Variants in MAPK10 observed in about 807,000 individuals in gnomAD.
MAPK10 encodes the protein mitogen-activated protein kinase 10.
Under a neutral mutation model 59.3 loss-of-function variants are expected in MAPK10, and 25 were observed. The observed-to-expected ratio is 0.42, with a 90% CI of 0.31 to 0.59. The LOEUF is 0.59. MAPK10 is among the 20% of genes least tolerant of loss of function. The probability of loss-of-function intolerance (pLI) is 0.15; values close to 1 mark genes in which losing one functional copy is unlikely to be tolerated. For missense variants in MAPK10, 351 were observed against 568.9 expected, an observed-to-expected ratio of 0.62 and a Z score of 3.90; for synonymous variants, 190 against 200.5, an observed-to-expected ratio of 0.95 and a Z score of 0.44.
chr4:86,107,422 A>G lies in MAPK10; in HGVS notation c.237-70T>C, dbSNP rs975197770. On this transcript the variant is annotated intron_variant, in intron 4 of 13. Transcript: ENST00000641462. ...CTTAGAACTCTTGCCTACTTGATTA[A>G]GGATACTGGTAAAGAAAATGCTATT... is the stretch of plus-strand genomic sequence containing the variant. 3.9e-6 allele frequency: 6 copies of G among 1,551,306 alleles called. No individual in the cohort carries two copies. In the African/African-American group the frequency reaches 8.3e-5, roughly 22 times the overall value.
chr4:86,302,751 T>G (rs1178959336), intron 2 of MAPK10, among the ~76,000 whole-genome samples: 1 of 152,110 alleles, frequency 6.6e-6, no homozygotes, highest in Non-Finnish European at 1.5e-5. Context: ...CAAAAGCCAG[T>G]CTATCTATTC....
chr4:86,578,973 G>A (rs1486019144), intron 1 of MAPK10, among the ~76,000 whole-genome samples: 1 of 152,098 alleles, frequency 6.6e-6, no homozygotes, highest in Non-Finnish European at 1.5e-5. Flanking sequence ...GGAAGTGAGT[G>A]AAATAAGGAT....
chr4:86,210,851 AT>A, intron 2 of MAPK10, among the ~76,000 whole-genome samples: 1 of 151,896 alleles, frequency 6.6e-6, no homozygotes, highest in South Asian at 2.1e-4. Context: ...AGTCAAGAAA[AT>A]AACATATTAA....
At chr4:86,083,398 T>C (rs1338688848) in intron 9 of MAPK10, among the ~76,000 whole-genome samples, 4 of 152,036 alleles carry the variant, frequency 2.6e-5, no homozygotes, top group East Asian at 1.9e-4. Context: ...AGCATAGCAT[T>C]TGTGAGGAAA....
At chr4:86,025,316 G>C (rs945817727) in intron 13 of MAPK10, 2 of 389,952 alleles carry the variant, frequency 5.1e-6, no homozygotes, top group African/African-American at 4.1e-5. Flanking sequence ...TCCCTCTATT[G>C]CGCTATAATA....
At chr4:86,110,448 GGTCA>G (rs971859872) in intron 4 of MAPK10, among the ~76,000 whole-genome samples, 9 of 151,984 alleles carry the variant, frequency 5.9e-5, no homozygotes, top group African/African-American at 2.2e-4. Flanking sequence ...GCATATGGCT[GGTCA>G]GTTTTCCCAG....
intron 1 of MAPK10, among the ~76,000 whole-genome samples, chr4:86,368,178 T>C (rs1055112922): frequency 2.6e-5 from 4 of 152,152 alleles, no homozygotes; most frequent in African/African-American, 9.7e-5. Context: ...GGGTCTACCT[T>C]CCACTTACTT....
intron 2 of MAPK10, among the ~76,000 whole-genome samples, chr4:86,270,502 C>T (rs1032227232): frequency 6.6e-6 from 1 of 151,864 alleles, no homozygotes; most frequent in South Asian, 2.1e-4. Flanking sequence ...AGGCAAAGCG[C>T]TATCATAGTC....
intron 12 of MAPK10, among the ~76,000 whole-genome samples, chr4:86,029,815 T>C (rs1285033468): frequency 2.1e-5 from 3 of 139,834 alleles, no homozygotes; most frequent in African/African-American, 9.2e-5. Context: ...TACTGCATCT[T>C]TTTTTTTTTC....
chr4:86,233,221 C>G (rs555135914), intron 2 of MAPK10, among the ~76,000 whole-genome samples: 1 of 152,096 alleles, frequency 6.6e-6, no homozygotes, highest in East Asian at 1.9e-4. Context: ...GACAAAGAAC[C>G]AAAAATACAG....
At chr4:86,137,501 A>C (rs1347216919) in intron 4 of MAPK10, among the ~76,000 whole-genome samples, 1 of 136,304 alleles carries the variant, frequency 7.3e-6, no homozygotes, top group Non-Finnish European at 1.5e-5. Context: ...ACAAAGACAC[A>C]ACATACCAGA....
chr4:86,353,361 G>A (rs571554333), intron 2 of MAPK10, among the ~76,000 whole-genome samples: 2 of 152,260 alleles, frequency 1.3e-5, no homozygotes, highest in South Asian at 4.1e-4. Context: ...CTCAATAAGA[G>A]TTTGATTAAT....
chr4:86,061,757 C>T (rs1302294954), intron 11 of MAPK10, among the ~76,000 whole-genome samples: 1 of 152,146 alleles, frequency 6.6e-6, no homozygotes, highest in East Asian at 1.9e-4. Context: ...TCTTCTCTCT[C>T]ATCTTTGAAT....
intron 1 of MAPK10, among the ~76,000 whole-genome samples, chr4:86,534,440 G>A (rs1003837864): frequency 6.6e-6 from 1 of 152,090 alleles, no homozygotes; most frequent in African/African-American, 2.4e-5. Context: ...AGAGAAAAAT[G>A]AGTGAAGTCT....
chr4:86,332,065 T>C (rs1318503593), intron 2 of MAPK10, among the ~76,000 whole-genome samples: 2 of 152,194 alleles, frequency 1.3e-5, no homozygotes, highest in Admixed American at 1.3e-4. Flanking sequence ...TTTGTAAAAA[T>C]GTGCATTTAG....
rs770775048 is a variant in MAPK10, at chr4:86,052,689, C to T, written c.1110+11577G>A. The stretch of plus-strand genomic sequence containing the variant: ...CATGGAGGATAAGTATGTATATACT[C>T]GGGTGTTGTTGTTGCTGTTGTTTGA... On this transcript the variant is annotated intron_variant, in intron 11 of 13. Transcript: ENST00000641462. 4.2e-4 allele frequency among the ~76,000 whole-genome samples: 64 copies of T among 152,032 alleles called. 1 individual carries two copies. Among genetic ancestry groups the T allele is most frequent in the East Asian group, 7.8e-4 (4 of 5,158 alleles).
At chr4:86,019,250 T>C (rs1170324452) in intron 13 of MAPK10, among the ~76,000 whole-genome samples, 1 of 152,228 alleles carries the variant, frequency 6.6e-6, no homozygotes, top group African/African-American at 2.4e-5. Context: ...TCTTTTAATA[T>C]GTATTTTTTT....
At chr4:86,380,836 C>T (rs1171600373) in intron 1 of MAPK10, among the ~76,000 whole-genome samples, 4 of 137,040 alleles carry the variant, frequency 2.9e-5, no homozygotes, top group Non-Finnish European at 6.2e-5. Context: ...AAATTTGTTT[C>T]TGTACTTTTT....
At chr4:86,256,220 G>A (rs1210058530) in intron 2 of MAPK10, among the ~76,000 whole-genome samples, 1 of 152,056 alleles carries the variant, frequency 6.6e-6, no homozygotes, top group Non-Finnish European at 1.5e-5. Flanking sequence ...CTCATACTTG[G>A]CCGAACTAGT....
Sources: allele counts gnomAD v4.1 joint callset (sites outside exome capture counted in the v4.1 genomes callset), GRCh38; gene constraint gnomAD v4.1.1; transcripts MANE v1.5; gene names NCBI Gene and HGNC (gene_info 2026-07-23, HGNC 2026-07-21).